The following LINGO3 variants were observed in gnomAD, a reference collection of about 807,000 sequenced individuals.
The protein encoded by LINGO3 is leucine-rich repeat and immunoglobulin-like domain-containing nogo receptor-interacting protein 3.
For synonymous variants in LINGO3, 427 were observed against 444.2 expected (o/e 0.96, Z 0.49); for missense variants, 750 against 867.7 (o/e 0.86, Z 1.70).
chr19:2,296,915 C>T (rs377182986), upstream of LINGO3, among the ~76,000 whole-genome samples: 6 of 151,536 alleles, frequency 4.0e-5, no homozygotes, highest in Admixed American at 6.6e-5. Context: ...GGTGAAACCC[C>T]GTCTCTACTA....
exon 1 of LINGO3, chr19:2,289,923 C>T (rs1487597570): frequency 3.1e-6 from 4 of 1,283,720 alleles, no homozygotes; most frequent in East Asian, 2.7e-5. Context: ...CCTTCCCCTC[C>T]GGGAAATGCA....
chr19:2,292,299 G>A (rs899527964), upstream of LINGO3, among the ~76,000 whole-genome samples: 4 of 150,078 alleles, frequency 2.7e-5, no homozygotes, highest in Admixed American at 6.7e-5. Flanking sequence ...TCAGGAGGCT[G>A]AGCCAGGAGG....
At chr19:2,306,173 G>C in the LINGO3 span, among the ~76,000 whole-genome samples, 1 of 152,206 alleles carries the variant, frequency 6.6e-6, no homozygotes, top group Non-Finnish European at 1.5e-5. Flanking sequence ...GAATAATAAA[G>C]TTCGTTTTGG....
At chr19:2,296,931 AC>A (rs1471934546), upstream of LINGO3, among the ~76,000 whole-genome samples, 5 of 151,646 alleles carry the variant, frequency 3.3e-5, no homozygotes, top group East Asian at 6.0e-4. Context: ...TACTAAAAAA[AC>A]ATACAAAAAA....
exon 1 of LINGO3, chr19:2,289,851 C>T: frequency 1.6e-6 from 1 of 643,122 alleles, no homozygotes; most frequent in Non-Finnish European, 2.7e-6. Context: ...AAAAACAGTC[C>T]TGCGGTTGGG....
At chr19:2,296,637 C>T (rs1438861680), upstream of LINGO3, among the ~76,000 whole-genome samples, 2 of 151,998 alleles carry the variant, frequency 1.3e-5, no homozygotes, top group African/African-American at 4.8e-5. Context: ...CACTACCACA[C>T]CCGGCTAATT....
the LINGO3 span, among the ~76,000 whole-genome samples, chr19:2,303,506 G>A: frequency 9.9e-5 from 15 of 152,070 alleles, no homozygotes; most frequent in Non-Finnish European, 1.3e-4. Context: ...CGCTTGCGGG[G>A]GTGGGAGCCC....
chr19:2,297,921 A>G, the LINGO3 span, among the ~76,000 whole-genome samples: 1 of 151,548 alleles, frequency 6.6e-6, no homozygotes, highest in Admixed American at 6.6e-5. Flanking sequence ...TTTTTGAGAC[A>G]AGGTCTTGCT....
exon 1 of LINGO3, chr19:2,291,084 G>C: frequency 6.2e-7 from 1 of 1,609,976 alleles, no homozygotes; most frequent in Non-Finnish European, 8.5e-7. Context: ...GCAGCGGCCA[G>C]TTGTCAATCT....
At chr19:2,302,050 T>C in the LINGO3 span, among the ~76,000 whole-genome samples, 24 of 146,122 alleles carry the variant, frequency 1.6e-4, no homozygotes, top group African/African-American at 5.5e-4. Context: ...TATTTATTTA[T>C]TTGTGGGTAG....
At chr19:2,289,360 GC>G (rs11357262), downstream of LINGO3, among the ~76,000 whole-genome samples, 45,043 of 151,320 alleles carry the variant, frequency 0.3, 7,168 homozygotes, top group African/African-American at 0.38. Context: ...AGCCCTGCCT[GC>G]CCCCTGCGGT....
At chr19:2,293,699 T>G (rs2025548169), upstream of LINGO3, among the ~76,000 whole-genome samples, 1 of 149,744 alleles carries the variant, frequency 6.7e-6, no homozygotes, top group Admixed American at 6.7e-5. Flanking sequence ...GACAGGCCCA[T>G]CCACAGACAG....
chr19:2,298,932 T>A, the LINGO3 span, among the ~76,000 whole-genome samples: 1 of 152,108 alleles, frequency 6.6e-6, no homozygotes, highest in Non-Finnish European at 1.5e-5. Flanking sequence ...AATCGCTAGG[T>A]CACAGTCACA....
At chr19:2,304,312 T>C in the LINGO3 span, among the ~76,000 whole-genome samples, 1 of 151,700 alleles carries the variant, frequency 6.6e-6, no homozygotes, top group Non-Finnish European at 1.5e-5. Flanking sequence ...TGGCAGGCCA[T>C]GGTATGGGAA....
the LINGO3 span, among the ~76,000 whole-genome samples, chr19:2,300,757 A>G: frequency 2.0e-5 from 3 of 151,900 alleles, no homozygotes; most frequent in African/African-American, 7.3e-5. Flanking sequence ...GCCGGGCTCC[A>G]GTTCGCCCCC....
chr19:2,290,160 C>T lies in LINGO3; in HGVS notation c.1617G>A (p.Leu539=). ...GCACGAAGCAGAAGAGGACCACGCCCAGGAAGGTGATGCAGCCCATGGCGG... is the reference window on the plus strand; with the variant it reads ...GCACGAAGCAGAAGAGGACCACGCCTAGGAAGGTGATGCAGCCCATGGCGG... The change falls in exon 1 of 1, where the codon CTG becomes CTA. Residue 539 remains leucine, a synonymous_variant. Coordinates refer to ENST00000585527, the Ensembl canonical transcript of LINGO3. The surrounding 1 kb of genome is among the most constrained non-coding windows in gnomAD (Gnocchi z 6.0). The T allele has an allele frequency of 1.2e-6, 2 of 1,612,632 alleles. No individual in the cohort carries two copies. The highest frequency in any genetic ancestry group is 1.7e-6 in the Non-Finnish European group (2 of 1,179,672).
chr19:2,295,135 G>A (rs776205573), upstream of LINGO3, among the ~76,000 whole-genome samples: 3 of 152,326 alleles, frequency 2.0e-5, no homozygotes, highest in African/African-American at 4.8e-5. Flanking sequence ...TGAATTGTAC[G>A]TAAGTGAGGA....
the LINGO3 span, among the ~76,000 whole-genome samples, chr19:2,299,178 C>G: frequency 2.0e-5 from 3 of 152,172 alleles, no homozygotes; most frequent in East Asian, 1.9e-4. Context: ...CTGACTCCCC[C>G]ACTCGACGGC....
At chr19:2,293,965 C>T (rs1182484276), upstream of LINGO3, among the ~76,000 whole-genome samples, 8 of 151,876 alleles carry the variant, frequency 5.3e-5, no homozygotes, top group African/African-American at 1.5e-4. Context: ...GTGGGAGGAT[C>T]GCTTGATCCC....
Sources: gnomAD v4.1 joint callset for allele counts (sites outside exome capture counted in the v4.1 genomes callset) on GRCh38, gnomAD v4.1.1 for gene constraint, Gnocchi (gnomAD v3.1) non-coding constraint, MANE v1.5 for transcripts, NCBI Gene and HGNC (gene_info 2026-07-23, HGNC 2026-07-21) for gene names.